CNTNAP3: variants seen among roughly 807,000 people sequenced by gnomAD.
CNTNAP3 encodes the protein contactin-associated protein-like 3.
A neutral mutation model predicts 92.1 loss-of-function variants in CNTNAP3; 36 were observed. The ratio of observed to expected loss-of-function variants is 0.39; its 90% CI spans 0.30 to 0.52. The LOEUF is 0.52. CNTNAP3 is among the 20% of genes least tolerant of loss of function. The probability of loss-of-function intolerance (pLI) is 0.76; values close to 1 mark genes in which losing one functional copy is unlikely to be tolerated. For missense variants in CNTNAP3, 534 were observed against 1,069.6 expected, an observed-to-expected ratio of 0.50 and a Z score of 6.98; for synonymous variants, 232 against 422.3, an observed-to-expected ratio of 0.55 and a Z score of 5.53.
At chr9:39,082,047 A>G (rs1377631400) in intron 21 of CNTNAP3, among the ~76,000 whole-genome samples, 2 of 149,106 alleles carry the variant, frequency 1.3e-5, no homozygotes, top group Non-Finnish European at 3.0e-5. Context: ...AGTTCACGCC[A>G]CTGTACTCCA....
rs546578083 is a variant in CNTNAP3 at position 39,143,384 on chromosome 9, C to T, written c.1756+856G>A. Among the ~76,000 whole-genome samples, 386 of 152,220 alleles carry T rather than the reference C, an allele frequency of 2.5e-3. 2 individuals carry two copies. The highest frequency in any genetic ancestry group is 8.7e-3 in the African/African-American group (361 of 41,530). On this transcript the variant is annotated intron_variant, in intron 11 of 23. Transcript: ENST00000297668. ...CCTGAGAGTCTTTACTTGCAACAGG[C>T]TCCCAGGGGCTGTGGGTGCTGCTGG...
At chr9:39,090,592 G>A (rs1040803179) in intron 18 of CNTNAP3, among the ~76,000 whole-genome samples, 3 of 152,290 alleles carry the variant, frequency 2.0e-5, no homozygotes, top group Admixed American at 2.0e-4. Flanking sequence ...TTTAGTCTTA[G>A]GCCAGTTATA....
intron 3 of CNTNAP3, among the ~76,000 whole-genome samples, chr9:39,226,977 T>C (rs1189683480): frequency 8.4e-5 from 1 of 11,958 alleles, no homozygotes; most frequent in African/African-American, 1.1e-4. Flanking sequence ...TTCAATCCAC[T>C]ACTGATAAGC....
At chr9:39,143,226 G>A (rs1337295748) in intron 11 of CNTNAP3, among the ~76,000 whole-genome samples, 14 of 150,878 alleles carry the variant, frequency 9.3e-5, no homozygotes. Flanking sequence ...AGGCAGTTGA[G>A]AAGTGTTAGA....
intron 15 of CNTNAP3, among the ~76,000 whole-genome samples, chr9:39,104,849 C>T (rs1241915474): frequency 1.3e-5 from 2 of 152,178 alleles, no homozygotes; most frequent in Non-Finnish European, 2.9e-5. Context: ...GGCAGCAATG[C>T]TGATCAGCCC....
chr9:39,135,899 G>T (rs1821418305), intron 12 of CNTNAP3, among the ~76,000 whole-genome samples: 1 of 152,086 alleles, frequency 6.6e-6, no homozygotes, highest in Non-Finnish European at 1.5e-5. Context: ...GGAGGCCGAG[G>T]CAGGCAGATT....
chr9:39,090,132 G>C (rs1826157212), intron 18 of CNTNAP3, among the ~76,000 whole-genome samples: 1 of 152,030 alleles, frequency 6.6e-6, no homozygotes, highest in Non-Finnish European at 1.5e-5. Context: ...GTAGAGATGG[G>C]GTTTCACTGT....
intron 13 of CNTNAP3, among the ~76,000 whole-genome samples, chr9:39,132,282 G>C (rs1821312071): frequency 6.6e-6 from 1 of 152,152 alleles, no homozygotes; most frequent in Non-Finnish European, 1.5e-5. Flanking sequence ...TGGGGATTCC[G>C]GAAAGGAGGG....
intron 21 of CNTNAP3, among the ~76,000 whole-genome samples, chr9:39,083,333 C>A (rs1246606163): frequency 6.6e-6 from 1 of 151,952 alleles, no homozygotes; most frequent in East Asian, 1.9e-4. Context: ...TTTTTGCACT[C>A]TGTTTTTTTG....
Position 39,105,792 on chromosome 9 carries a change from A to C in CNTNAP3, c.2366-1878T>G, listed in dbSNP as rs550706368. ...AGAAGCCGAGATCTGCAGGCTATTT[A>C]CTAGGGTGTCATTGCTTCTAGCCCT... On this transcript the variant is annotated intron_variant, in intron 15 of 23. Transcript: ENST00000297668. Among the ~76,000 whole-genome samples the C allele has an allele frequency of 1.9e-4, 29 of 151,704 alleles. No individual in the cohort carries two copies. The East Asian group carries it at 4.7e-3, about 24-fold the overall frequency.
At chr9:39,168,029 T>C (rs1822200586) in intron 8 of CNTNAP3, among the ~76,000 whole-genome samples, 1 of 147,274 alleles carries the variant, frequency 6.8e-6, no homozygotes, top group African/African-American at 2.5e-5. Context: ...TTTGTTTTTT[T>C]TTTTTGAGAT....
In CNTNAP3 at chr9:39,069,803, T is replaced by G. The variant is rs1158350749; in HGVS notation, c.*4087A>C. Reference sequence around the variant, plus strand: ...AGCAATGAACTTAGCCTGAGCTACATCCATTGGGAGTGATGTGAAGGAAGA... The same window carrying G: ...AGCAATGAACTTAGCCTGAGCTACAGCCATTGGGAGTGATGTGAAGGAAGA... On this transcript the variant is annotated 3_prime_UTR_variant, in exon 24 of 24. Transcript: ENST00000297668. Among the ~76,000 whole-genome samples, 2 of 152,296 alleles carry G rather than the reference T, an allele frequency of 1.3e-5. No individual in the cohort carries two copies. Among genetic ancestry groups the G allele is most frequent in the Non-Finnish European group, 2.9e-5 (2 of 68,048 alleles).
chr9:39,138,536 TAAG>T (rs1821496978), intron 12 of CNTNAP3, among the ~76,000 whole-genome samples: 1 of 152,164 alleles, frequency 6.6e-6, no homozygotes, highest in South Asian at 2.1e-4. Context: ...AAGACCTTGT[TAAG>T]AAGAACAGAA....
In CNTNAP3 at chr9:39,118,166, C is replaced by T; in HGVS notation, c.2174G>A (p.Gly725Glu). The change falls in exon 14 of 24, where the codon GGA becomes GAA. Residue 725 changes from glycine (G) to glutamate (E), a missense_variant. Transcript: ENST00000297668. ...AGAATCAATGCAGTTCCCCTCTAAT[C>T]CACAAGTACACTTTTGAGCATCAGG... Reference protein sequence around the residue: ...SLPDAQKCTCGLEGNCIDSQY... With the variant: ...SLPDAQKCTCELEGNCIDSQY... 6.2e-7 allele frequency: 1 copy of T among 1,611,524 alleles called. No homozygotes were observed. Among genetic ancestry groups the T allele is most frequent in the Non-Finnish European group, 8.5e-7 (1 of 1,179,518 alleles).
chr9:39,093,008 C>T (rs1826243596), intron 18 of CNTNAP3, among the ~76,000 whole-genome samples: 1 of 144,534 alleles, frequency 6.9e-6, no homozygotes, highest in Non-Finnish European at 1.5e-5. Flanking sequence ...TTATTTTTTT[C>T]TGGTATTAGT....
intron 18 of CNTNAP3, among the ~76,000 whole-genome samples, chr9:39,091,010 T>C (rs372890892): frequency 5.9e-5 from 9 of 152,236 alleles, no homozygotes; most frequent in Admixed American, 2.0e-4. Context: ...AGAAATACAA[T>C]TGATTTTGTA....
At chr9:39,128,189 C>T (rs1419195852) in intron 13 of CNTNAP3, among the ~76,000 whole-genome samples, 1 of 151,864 alleles carries the variant, frequency 6.6e-6, no homozygotes, top group Non-Finnish European at 1.5e-5. Context: ...GTCAATTTTA[C>T]ATAATCTCTT....
At chr9:39,098,116 T>C (rs927906716) in intron 18 of CNTNAP3, among the ~76,000 whole-genome samples, 13 of 147,294 alleles carry the variant, frequency 8.8e-5, no homozygotes, top group Admixed American at 1.3e-4. Flanking sequence ...TGTTCTTTTA[T>C]GCCAAAGATG....
intron 18 of CNTNAP3, among the ~76,000 whole-genome samples, chr9:39,089,028 T>A (rs1354490273): frequency 2.6e-5 from 4 of 152,348 alleles, no homozygotes; most frequent in African/African-American, 9.6e-5. Flanking sequence ...TTTATTCAGA[T>A]ATAATCCATA....
Sources: allele counts gnomAD v4.1 joint callset (sites outside exome capture counted in the v4.1 genomes callset), GRCh38; gene constraint gnomAD v4.1.1; transcripts MANE v1.5; gene names NCBI Gene and HGNC (gene_info 2026-07-23, HGNC 2026-07-21).